Variants in HDAC4 observed in about 807,000 individuals in gnomAD.
HDAC4 encodes histone deacetylase A.
HDAC4 carries 16 observed loss-of-function variants against 135.1 expected under a neutral mutation model. The observed-to-expected ratio is 0.12, with a 90% CI of 0.08 to 0.18. HDAC4 has a LOEUF of 0.18. Ranked by LOEUF, HDAC4 falls within the 10% of genes least tolerant of loss-of-function variation. The pLI is 1.00. For missense variants in HDAC4, 1,143 were observed against 1,511.8 expected, an observed-to-expected ratio of 0.76 and a Z score of 4.05; for synonymous variants, 685 against 653.4, an observed-to-expected ratio of 1.05 and a Z score of -0.74.
intron 17 of HDAC4, chr2:239,094,804 C>T: frequency 6.9e-7 from 1 of 1,439,832 alleles, no homozygotes. Context: ...CTGCGCCAGA[C>T]AACCTTCCCC....
chr2:239,165,068 C>T (rs370331124), intron 5 of HDAC4, among the ~76,000 whole-genome samples: 3 of 152,024 alleles, frequency 2.0e-5, no homozygotes, highest in South Asian at 2.1e-4. Context: ...ACTAAAAATA[C>T]AAAAATTAGC....
intron 5 of HDAC4, among the ~76,000 whole-genome samples, chr2:239,172,784 GA>G (rs2043536016): frequency 6.6e-6 from 1 of 151,846 alleles, no homozygotes; most frequent in African/African-American, 2.4e-5. Context: ...GCAATAAAGA[GA>G]AAAAGCACAA....
intron 5 of HDAC4, among the ~76,000 whole-genome samples, chr2:239,172,810 G>A (rs1159570974): frequency 6.6e-6 from 1 of 151,996 alleles, no homozygotes; most frequent in Non-Finnish European, 1.5e-5. Context: ...CCAATATCTG[G>A]AGTGTAAAAG....
intron 17 of HDAC4, chr2:239,094,452 C>A: frequency 3.1e-6 from 3 of 973,978 alleles, no homozygotes; most frequent in Non-Finnish European, 3.7e-6. Context: ...TATGCCCAGG[C>A]CAGGTCCATA....
chr2:239,081,401 C>G (rs1364206416), intron 21 of HDAC4, among the ~76,000 whole-genome samples: 1 of 152,210 alleles, frequency 6.6e-6, no homozygotes, highest in Non-Finnish European at 1.5e-5. Context: ...CAAGGGGGCC[C>G]TTTTCCTGGC....
chr2:239,124,124 T>C (rs1352169165), intron 12 of HDAC4, among the ~76,000 whole-genome samples: 2 of 152,244 alleles, frequency 1.3e-5, no homozygotes, highest in Non-Finnish European at 2.9e-5. Flanking sequence ...ACTCATCCTC[T>C]TTCTTCCTTG....
chr2:239,140,547 T>C (rs986133483), intron 8 of HDAC4, among the ~76,000 whole-genome samples: 4 of 152,210 alleles, frequency 2.6e-5, no homozygotes, highest in Non-Finnish European at 5.9e-5. Context: ...GCTTGTCATA[T>C]GTTTAGTTTA....
intron 12 of HDAC4, among the ~76,000 whole-genome samples, chr2:239,116,345 C>G (rs1052353667): frequency 6.6e-6 from 1 of 152,226 alleles, no homozygotes; most frequent in African/African-American, 2.4e-5. Flanking sequence ...TCTTCCAAGC[C>G]TCTCCCTTCT....
chr2:239,347,104 TAC>T (rs1234307443), intron 2 of HDAC4, among the ~76,000 whole-genome samples: 1 of 93,348 alleles, frequency 1.1e-5, no homozygotes, highest in Non-Finnish European at 3.1e-5. Context: ...AACACACACA[TAC>T]ACACAGACAC....
chr2:239,106,289 G>C (rs1282845547), intron 15 of HDAC4, among the ~76,000 whole-genome samples: 1 of 152,132 alleles, frequency 6.6e-6, no homozygotes, highest in African/African-American at 2.4e-5. Context: ...TTCTGGCTGA[G>C]AGACCCTCTC....
chr2:239,136,286 T>G (rs1377356621), intron 9 of HDAC4, among the ~76,000 whole-genome samples: 2 of 152,184 alleles, frequency 1.3e-5, no homozygotes, highest in Non-Finnish European at 2.9e-5. Context: ...AATGAGAAAA[T>G]GCCATGTTTG....
intron 17 of HDAC4, among the ~76,000 whole-genome samples, chr2:239,090,919 T>A (rs1190677081): frequency 6.6e-6 from 1 of 152,244 alleles, no homozygotes; most frequent in Non-Finnish European, 1.5e-5. Flanking sequence ...GACTTTCTCC[T>A]GTGCCGAGTT....
At chr2:239,075,155 A>C (rs1034064903) in intron 22 of HDAC4, among the ~76,000 whole-genome samples, 108 of 121,912 alleles carry the variant, frequency 8.9e-4, no homozygotes, top group African/African-American at 2.5e-3. Context: ...ACCTGGGAGG[A>C]GGAGCTTGCA....
intron 1 of HDAC4, among the ~76,000 whole-genome samples, chr2:239,379,288 C>T (rs560271821): frequency 2.0e-4 from 31 of 152,144 alleles, no homozygotes; most frequent in African/African-American, 7.0e-4. Flanking sequence ...CAAGTGCTGG[C>T]TCCCGCGCAG....
At chr2:239,247,566 C>T (rs527626025) in intron 2 of HDAC4, among the ~76,000 whole-genome samples, 47 of 152,338 alleles carry the variant, frequency 3.1e-4, no homozygotes, top group Non-Finnish European at 2.1e-4. Context: ...AAGCTGCTCA[C>T]CAAACGTGAC....
chr2:239,189,941 C>A lies in HDAC4; in HGVS notation c.231G>T (p.Ala77=), dbSNP rs373165828. The A allele has an allele frequency of 5.0e-6, 8 of 1,610,020 alleles. No homozygotes were observed. Among genetic ancestry groups the A allele is most frequent in the Non-Finnish European group, 5.9e-6 (7 of 1,179,910 alleles). ...TCTGGATCTGCTGCTTCTGCTTGAG[C>A]GCCAGGAGCTCCTGCTGCAGCTGCT... is the stretch of plus-strand genomic sequence containing the variant. ...REQQLQQELL[A]LKQKQQIQRQ... The change falls in exon 4 of 27, where the codon GCG becomes GCT. Residue 77 remains alanine, a synonymous_variant. Transcript: ENST00000543185.
Position 239,190,031 on chromosome 2 carries a change from C to A in HDAC4, c.141G>T (p.Val47=). 1 of 1,604,436 alleles carries A rather than the reference C, an allele frequency of 6.2e-7. No individual in the cohort carries two copies. ...ALPLQVAPSA[V]PMDLRLDHQF... ...GGTGGTCCAGGCGCAGGTCCATGGGCACTGCCGAGGGGGCCACTTGCAGAG... is the reference window on the plus strand; with the variant it reads ...GGTGGTCCAGGCGCAGGTCCATGGGAACTGCCGAGGGGGCCACTTGCAGAG... Residue 47 remains valine, a synonymous_variant, in exon 4 of 27, where the codon GTG becomes GTT. Coordinates refer to ENST00000543185, the MANE Select transcript of HDAC4 (RefSeq NM_001378414.1).
chr2:239,330,802 A>G (rs1048618659), intron 2 of HDAC4, among the ~76,000 whole-genome samples: 1 of 152,238 alleles, frequency 6.6e-6, no homozygotes, highest in African/African-American at 2.4e-5. Flanking sequence ...GTTTTAAGTG[A>G]GCAATTATAC....
At chr2:239,390,320 C>T (rs1202490813) in intron 1 of HDAC4, among the ~76,000 whole-genome samples, 2 of 152,058 alleles carry the variant, frequency 1.3e-5, no homozygotes, top group Non-Finnish European at 2.9e-5. Context: ...CTGTTTGAGC[C>T]CAGGAGTTTG....
Sources: gnomAD v4.1 joint callset for allele counts (sites outside exome capture counted in the v4.1 genomes callset) on GRCh38, gnomAD v4.1.1 for gene constraint, MANE v1.5 for transcripts, NCBI Gene and HGNC (gene_info 2026-07-23, HGNC 2026-07-21) for gene names.